The following GRB10 variants were observed in gnomAD, a reference collection of about 807,000 sequenced individuals.
The protein encoded by GRB10 is growth factor receptor bound protein 10.
In GRB10, 20 loss-of-function variants were observed where a neutral mutation model predicts 80.9. The observed-to-expected ratio is 0.25, with a 90% CI of 0.17 to 0.36. The LOEUF (loss-of-function observed/expected upper bound fraction) is 0.36. Among genes scored for constraint, GRB10 ranks in the 10% least tolerant of loss-of-function variants. The probability of loss-of-function intolerance (pLI) is 1.00; values close to 1 mark genes in which losing one functional copy is unlikely to be tolerated. For missense variants in GRB10, 548 were observed against 747.7 expected, an observed-to-expected ratio of 0.73 and a Z score of 3.12; for synonymous variants, 291 against 291.5, an observed-to-expected ratio of 1.00 and a Z score of 0.02.
chr7:50,711,110 T>C (rs1274166254), intron 4 of GRB10: 2 of 598,912 alleles, frequency 3.3e-6, no homozygotes, highest in South Asian at 3.9e-5. Flanking sequence ...TGCCCGATCA[T>C]AACCTACAGG....
intron 4 of GRB10, among the ~76,000 whole-genome samples, chr7:50,724,076 T>C (rs1587504870): frequency 6.6e-6 from 1 of 152,200 alleles, no homozygotes; most frequent in Admixed American, 6.5e-5. Context: ...CTGGAGGCAG[T>C]GGACTCGCAC....
chr7:50,656,674 G>A (rs1027052973), intron 7 of GRB10, among the ~76,000 whole-genome samples: 5 of 152,216 alleles, frequency 3.3e-5, no homozygotes, highest in African/African-American at 4.8e-5. Context: ...GCTGGGGAAG[G>A]CAGGCTTCCA....
intron 2 of GRB10, among the ~76,000 whole-genome samples, chr7:50,778,417 A>C (rs574059645): frequency 6.6e-6 from 1 of 152,336 alleles, no homozygotes; most frequent in South Asian, 2.1e-4. Flanking sequence ...CCATCAATGC[A>C]TTTACTGATC....
Position 50,708,673 on chromosome 7 carries a change from G to GTTT in GRB10, c.52-4768_52-4766dup, listed in dbSNP as rs150250702. On this transcript the variant is annotated intron_variant, in intron 4 of 18. Transcript: ENST00000401949. ...GGAATGGGGGAGGCCCTGTGAGTCT[G>GTTT]TTTTTTTTTTTTTTTTTTTTTGAGA... Among the ~76,000 whole-genome samples, 21 of 83,258 alleles carry GTTT rather than the reference G, an allele frequency of 2.5e-4. 1 individual carries two copies. The highest frequency in any genetic ancestry group is 7.3e-4 in the African/African-American group (17 of 23,168). The allele number at this position is 83,258 out of a possible 152,430, so 54.6% of individuals were successfully genotyped here.
At chr7:50,777,205 C>G (rs1201094126) in intron 2 of GRB10, among the ~76,000 whole-genome samples, 1 of 152,150 alleles carries the variant, frequency 6.6e-6, no homozygotes, top group Non-Finnish European at 1.5e-5. Flanking sequence ...CTTGTTGCCA[C>G]ACCCTCCAGA....
At chr7:50,783,484 AC>A (rs1412728302), upstream of GRB10, among the ~76,000 whole-genome samples, 1 of 150,214 alleles carries the variant, frequency 6.7e-6, no homozygotes, top group East Asian at 2.0e-4. Flanking sequence ...ATACATACAC[AC>A]CACACACATA....
At chr7:50,658,551 GCA>G (rs2058885793) in intron 7 of GRB10, among the ~76,000 whole-genome samples, 1 of 152,094 alleles carries the variant, frequency 6.6e-6, no homozygotes. Flanking sequence ...GGTGGGCAAG[GCA>G]CAGACTTAGA....
intron 5 of GRB10, 128 bp downstream of exon 5, chr7:50,703,693 T>C (rs548868875): frequency 2.9e-6 from 2 of 700,370 alleles, no homozygotes; most frequent in African/African-American, 1.8e-5. Flanking sequence ...CTGTCCTTAA[T>C]GAGAAAAGAA....
At chr7:50,714,733 T>C (rs1023696306) in intron 4 of GRB10, among the ~76,000 whole-genome samples, 9 of 151,550 alleles carry the variant, frequency 5.9e-5, no homozygotes, top group Non-Finnish European at 1.2e-4. Flanking sequence ...CACAAAGCCA[T>C]TGCAATTGCA....
intron 4 of GRB10, among the ~76,000 whole-genome samples, chr7:50,718,461 G>A (rs529462954): frequency 6.6e-6 from 1 of 151,994 alleles, no homozygotes; most frequent in Admixed American, 6.5e-5. Context: ...TTCTTCTCAC[G>A]GCCACTGCGG....
At chr7:50,764,938 T>C (rs756093319) in intron 2 of GRB10, among the ~76,000 whole-genome samples, 1 of 152,168 alleles carries the variant, frequency 6.6e-6, no homozygotes, top group Non-Finnish European at 1.5e-5. Context: ...AAGAGATTAA[T>C]AACCAGAATG....
intron 7 of GRB10, 103 bp downstream of exon 7, chr7:50,669,619 G>A (rs1023440381): frequency 1.8e-6 from 2 of 1,131,190 alleles, no homozygotes; most frequent in Admixed American, 3.6e-5. Flanking sequence ...AAGATCCCAG[G>A]ACTTCCCGCC....
chr7:50,678,664 C>T (rs2061217238), intron 5 of GRB10, among the ~76,000 whole-genome samples: 1 of 152,152 alleles, frequency 6.6e-6, no homozygotes, highest in African/African-American at 2.4e-5. Context: ...TCATATTCTA[C>T]ACCATTTTTT....
At position 50,782,300 on chromosome 7, in the gene GRB10, C is replaced by T. The variant is rs1186646520; in HGVS notation, c.-327+124G>A. On this transcript the variant is annotated intron_variant, in intron 1 of 18. Coordinates refer to ENST00000401949, the MANE Select transcript of GRB10 (RefSeq NM_001350814.2). This position sits in a 1 kb window ranked among gnomAD's most constrained non-coding sequence, Gnocchi z 6.6. Reference sequence around the variant, plus strand: ...CGGCAAGACCTCCCCGCCTCCCTCCCGGGCCCTGTCCGCCGCGGCCGGGGC... The same window carrying T: ...CGGCAAGACCTCCCCGCCTCCCTCCTGGGCCCTGTCCGCCGCGGCCGGGGC... The T allele has an allele frequency of 1.3e-5, 2 of 150,760 alleles. No individual in the cohort carries two copies. Among genetic ancestry groups the T allele is most frequent in the African/African-American group, 4.8e-5 (2 of 41,288 alleles). 9.3% of individuals were successfully genotyped at this position (150,760 alleles called of 1,614,324 possible).
intron 3 of GRB10, among the ~76,000 whole-genome samples, chr7:50,733,116 G>C (rs911949921): frequency 1.3e-5 from 2 of 152,138 alleles, no homozygotes; most frequent in Non-Finnish European, 2.9e-5. Context: ...GAGATGATGA[G>C]GGTGGGCCCT....
rs149907679 is a variant in GRB10 at position 50,775,618 on chromosome 7, AC to A, written c.-217+5008del. Reference sequence around the variant, plus strand: ...TGCCCTAGTGGGGGCTCTTTTTGGCACTCCTGCCCCATGGCTCTATTAGGCA... The same window carrying A: ...TGCCCTAGTGGGGGCTCTTTTTGGCATCCTGCCCCATGGCTCTATTAGGCA... On this transcript the variant is annotated intron_variant, in intron 2 of 18. Transcript: ENST00000401949. Among the ~76,000 whole-genome samples, 389 of 151,800 alleles carry A rather than the reference AC, an allele frequency of 2.6e-3. 1 individual carries two copies. The highest frequency in any genetic ancestry group is 9.2e-3 in the African/African-American group (383 of 41,406).
At chr7:50,597,226 T>C (rs2046818850) in intron 17 of GRB10, among the ~76,000 whole-genome samples, 3 of 152,352 alleles carry the variant, frequency 2.0e-5, no homozygotes, top group East Asian at 1.9e-4. Context: ...CTTTCTAAAA[T>C]AGCACTTTGC....
At chr7:50,776,451 GCTTAAGCAATCCTCTCAC>G (rs2077661222) in intron 2 of GRB10, among the ~76,000 whole-genome samples, 1 of 151,790 alleles carries the variant, frequency 6.6e-6, no homozygotes, top group Non-Finnish European at 1.5e-5. Context: ...GAACTCCTGA[GCTTAAGCAATCCTCTCAC>G]CTTGGCCTCT....
chr7:50,607,772 C>T (rs1319582985), intron 13 of GRB10, among the ~76,000 whole-genome samples: 1 of 152,168 alleles, frequency 6.6e-6, no homozygotes, highest in Non-Finnish European at 1.5e-5. Context: ...GTAGTCTGCA[C>T]TTTCTGATCC....
Sources: allele counts gnomAD v4.1 joint callset (sites outside exome capture counted in the v4.1 genomes callset), GRCh38; gene constraint gnomAD v4.1.1; non-coding constraint Gnocchi (gnomAD v3.1); transcripts MANE v1.5; gene names NCBI Gene and HGNC (gene_info 2026-07-23, HGNC 2026-07-21).